TRIM5: variants seen among roughly 807,000 people sequenced by gnomAD.
TRIM5 encodes tripartite motif-containing protein 5.
Under a neutral mutation model 35.6 loss-of-function variants are expected in TRIM5, and 31 were observed. The observed-to-expected ratio is 0.87, with a 90% confidence interval of 0.65 to 1.18. The LOEUF is 1.18. TRIM5 is among the 50% of genes most tolerant of loss of function. TRIM5 has a pLI of 0.00. For synonymous variants in TRIM5, 243 were observed against 215.6 expected (o/e 1.13, Z -1.11); for missense variants, 609 against 591.6 (o/e 1.03, Z -0.31).
At chr11:5,595,400 A>C in the TRIM5 span, 1 of 152,258 alleles carries the variant, frequency 6.6e-6, no homozygotes, top group Non-Finnish European at 1.5e-5. Context: ...AAAATTACAG[A>C]TACACACACA....
At chr11:5,591,003 C>A in the TRIM5 span, 1 of 176,908 alleles carries the variant, frequency 5.7e-6, no homozygotes, top group South Asian at 1.8e-4. Context: ...AAGAACCCAC[C>A]AATTCCGGAC....
chr11:5,638,093 C>T, the TRIM5 span, among the ~76,000 whole-genome samples: 1 of 152,166 alleles, frequency 6.6e-6, no homozygotes, highest in East Asian at 1.9e-4. Context: ...TCCTTACATC[C>T]CTACCAGCCA....
the TRIM5 span, chr11:5,610,931 T>C: frequency 6.2e-7 from 1 of 1,614,220 alleles, no homozygotes; most frequent in Non-Finnish European, 8.5e-7. Context: ...ACTTCTCCTC[T>C]GGTAAGCATT....
the TRIM5 span, among the ~76,000 whole-genome samples, chr11:5,593,258 C>G: frequency 6.6e-6 from 1 of 152,196 alleles, no homozygotes; most frequent in Non-Finnish European, 1.5e-5. Flanking sequence ...TTAATCTTAG[C>G]CTTGCAATAT....
chr11:5,669,157 G>A (rs948884497), intron 4 of TRIM5, among the ~76,000 whole-genome samples: 6 of 146,084 alleles, frequency 4.1e-5, no homozygotes, highest in African/African-American at 1.0e-4. Flanking sequence ...TCAGCTCACC[G>A]CAACCTCCAC....
At chr11:5,589,019 C>G in the TRIM5 span, 1 of 152,022 alleles carries the variant, frequency 6.6e-6, no homozygotes, top group Non-Finnish European at 1.5e-5. Flanking sequence ...CTCCTGACCT[C>G]AGATGATCCG....
the TRIM5 span, chr11:5,604,671 A>G: frequency 6.3e-7 from 1 of 1,595,456 alleles, no homozygotes; most frequent in East Asian, 2.2e-5. Flanking sequence ...GGCAGGAATC[A>G]TGGCAGGTCA....
intron 4 of TRIM5, among the ~76,000 whole-genome samples, chr11:5,670,499 T>C (rs1179665475): frequency 6.6e-6 from 1 of 152,148 alleles, no homozygotes; most frequent in Middle Eastern, 3.2e-3. Flanking sequence ...ACTACTGCAC[T>C]GTGGCTGGAA....
At chr11:5,680,400 T>C (rs1852344287) in intron 1 of TRIM5, among the ~76,000 whole-genome samples, 162 bp from the exon 2 acceptor site, 1 of 152,244 alleles carries the variant, frequency 6.6e-6, no homozygotes, top group Admixed American at 6.5e-5. Context: ...TAAGGGCTTT[T>C]CATAATCACC....
chr11:5,678,134 G>A (rs566644212), intron 4 of TRIM5, 70 bp downstream of exon 4: 265 of 1,332,600 alleles, frequency 2.0e-4, no homozygotes, highest in Non-Finnish European at 1.4e-4. Flanking sequence ...AAAAAGCACA[G>A]CAACGCAGAG....
chr11:5,646,616 T>C, the TRIM5 span, among the ~76,000 whole-genome samples: 1 of 152,178 alleles, frequency 6.6e-6, no homozygotes, highest in Non-Finnish European at 1.5e-5. Context: ...CGTTTTTAGC[T>C]TAAGTCAAAT....
the TRIM5 span, among the ~76,000 whole-genome samples, chr11:5,650,001 C>T: frequency 6.6e-6 from 1 of 152,334 alleles, no homozygotes; most frequent in East Asian, 1.9e-4. Context: ...ATTCCATAAA[C>T]ATGGGCCCTT....
the TRIM5 span, chr11:5,641,150 T>C: frequency 6.2e-7 from 1 of 1,613,426 alleles, no homozygotes; most frequent in Admixed American, 1.7e-5. Flanking sequence ...GACTCATGTT[T>C]TCTCTTTTCT....
At chr11:5,596,543 T>TTCCCCCATCCCCTC in the TRIM5 span, 1 of 24,650 alleles carries the variant, frequency 4.1e-5, no homozygotes, top group Admixed American at 4.9e-4. Context: ...CCTTCCCCCT[T>TTCCCCCATCCCCTC]CCCCCTTCCC....
intron 4 of TRIM5, among the ~76,000 whole-genome samples, chr11:5,676,527 C>T (rs528869815): frequency 1.4e-4 from 21 of 152,238 alleles, no homozygotes; most frequent in African/African-American, 5.1e-4. Context: ...AATGGCCATA[C>T]TGCCCAAGGT....
chr11:5,604,569 C>G, the TRIM5 span: 5 of 1,612,718 alleles, frequency 3.1e-6, no homozygotes, highest in East Asian at 8.9e-5. Flanking sequence ...AGCTGAAGAA[C>G]GAGGAGCAGG....
the TRIM5 span, among the ~76,000 whole-genome samples, chr11:5,608,856 T>C: frequency 7.0e-6 from 1 of 143,516 alleles, no homozygotes; most frequent in Non-Finnish European, 1.5e-5. Flanking sequence ...AATTTTTTTT[T>C]TTTTTTTTTT....
the TRIM5 span, among the ~76,000 whole-genome samples, chr11:5,606,209 C>G: frequency 6.6e-6 from 1 of 152,206 alleles, no homozygotes; most frequent in Non-Finnish European, 1.5e-5. Flanking sequence ...ACTCTCTTCT[C>G]TAGAGCAGAA....
At chr11:5,673,818 CAA>C (rs1397931614) in intron 4 of TRIM5, among the ~76,000 whole-genome samples, 2 of 151,692 alleles carry the variant, frequency 1.3e-5, no homozygotes, top group East Asian at 1.9e-4. Flanking sequence ...CTGAATAACC[CAA>C]GAGTAAACCA....
Sources: allele counts gnomAD v4.1 joint callset (sites outside exome capture counted in the v4.1 genomes callset), GRCh38; gene constraint gnomAD v4.1.1; transcripts MANE v1.5; gene names NCBI Gene and HGNC (gene_info 2026-07-23, HGNC 2026-07-21).